Variants in PKD1L1 observed in about 807,000 individuals in gnomAD.
PKD1L1 encodes the protein polycystin-1-like protein 1.
Under a neutral mutation model 323.4 loss-of-function variants are expected in PKD1L1, and 236 were observed. The ratio of observed to expected loss-of-function variants is 0.73; its 90% CI spans 0.66 to 0.81. The LOEUF (loss-of-function observed/expected upper bound fraction) is 0.81, where lower values mean the gene tolerates loss of function less well. Among genes scored for constraint, PKD1L1 ranks in the 40% least tolerant of loss-of-function variants. The probability of loss-of-function intolerance (pLI) is 0.00; values close to 1 mark genes in which losing one functional copy is unlikely to be tolerated. For missense variants in PKD1L1, 3,320 were observed against 3,508.0 expected (o/e 0.95, Z 1.35); for synonymous variants, 1,344 against 1,335.0 (o/e 1.01, Z -0.15).
At chr7:47,849,766 A>G (rs2128740260) in intron 31 of PKD1L1, among the ~76,000 whole-genome samples, 1 of 152,324 alleles carries the variant, frequency 6.6e-6, no homozygotes, top group African/African-American at 2.4e-5. Flanking sequence ...AACAGAACCA[A>G]CCTAAATGCC....
intron 5 of PKD1L1, 69 bp downstream of exon 5, chr7:47,931,867 C>A: frequency 6.4e-7 from 1 of 1,552,276 alleles, no homozygotes; most frequent in Non-Finnish European, 8.7e-7. Context: ...GGGTGAGTCT[C>A]CCCCATATGC....
chr7:47,853,241 A>T lies in PKD1L1; in HGVS notation c.4860-14T>A. 1 of 1,523,568 alleles carries T rather than the reference A, an allele frequency of 6.6e-7. No individual in the cohort carries two copies. Among genetic ancestry groups the T allele is most frequent in the African/African-American group, 1.4e-5 (1 of 73,026 alleles). 94.4% of individuals were successfully genotyped at this position (1,523,568 alleles called of 1,614,324 possible). A position where few individuals can be genotyped will look rare whatever the true frequency, so the allele number is the denominator to read the frequency against. ...TTCTCAGAGAATCTAGGAGATAAAA[A>T]CAAAATAGGGATTTCTCATTTTTTT... On this transcript the variant is annotated splice_polypyrimidine_tract_variant and intron_variant, in intron 30 of 56. Coordinates refer to ENST00000289672, the MANE Select transcript of PKD1L1 (RefSeq NM_138295.5).
chr7:47,950,406 T>G (rs1484774455), upstream of PKD1L1, among the ~76,000 whole-genome samples: 1 of 152,130 alleles, frequency 6.6e-6, no homozygotes, highest in Non-Finnish European at 1.5e-5. Flanking sequence ...GTGACATAAT[T>G]GAGGGAAGAA....
At chr7:47,832,955 T>G in intron 41 of PKD1L1, 135 bp downstream of exon 41, 2 of 1,213,142 alleles carry the variant, frequency 1.6e-6, no homozygotes, top group Non-Finnish European at 1.1e-6. Flanking sequence ...GGTGGGCCCA[T>G]GCCTGGTTTT....
chr7:47,908,130 C>G lies in PKD1L1; in HGVS notation c.1349G>C (p.Ser450Thr), dbSNP rs767033408. ...EAVSAFMNSS[S>T]VHEDEVLVFA... ...GACAAGCACTTCATCTTCATGGACACTGCTGGAGTTCATGAACGCAGACAC... is the reference window on the plus strand; with the variant it reads ...GACAAGCACTTCATCTTCATGGACAGTGCTGGAGTTCATGAACGCAGACAC... The change falls in exon 9 of 57, where the codon AGT becomes ACT. Residue 450 changes from serine (S) to threonine (T), a missense_variant. Ser to Thr is a moderately conservative substitution (Grantham distance 58). Coordinates refer to ENST00000289672, the MANE Select transcript of PKD1L1 (RefSeq NM_138295.5). The G allele has an allele frequency of 6.2e-7, 1 of 1,614,212 alleles. No homozygotes were observed. Among genetic ancestry groups the G allele is most frequent in the Non-Finnish European group, 8.5e-7 (1 of 1,180,046 alleles).
At chr7:47,828,851 G>C (rs926484865) in intron 44 of PKD1L1, among the ~76,000 whole-genome samples, 1 of 152,188 alleles carries the variant, frequency 6.6e-6, no homozygotes, top group South Asian at 2.1e-4. Context: ...TTGGGTCCTT[G>C]GTCGTAAGTG....
chr7:47,935,445 G>A (rs938105067), intron 4 of PKD1L1, among the ~76,000 whole-genome samples: 1 of 152,180 alleles, frequency 6.6e-6, no homozygotes. Context: ...TAGCAAAATG[G>A]AGTCCGAAAA....
At chr7:47,938,342 C>A (rs1212436192) in intron 3 of PKD1L1, among the ~76,000 whole-genome samples, 2 of 152,156 alleles carry the variant, frequency 1.3e-5, no homozygotes, top group African/African-American at 4.8e-5. Flanking sequence ...CGCCTGGCAC[C>A]TGCCCCTCTT....
At chr7:47,846,832 C>T (rs888582182) in intron 32 of PKD1L1, 47 bp downstream of exon 32, 32 of 1,538,378 alleles carry the variant, frequency 2.1e-5, no homozygotes, top group African/African-American at 2.8e-5. Flanking sequence ...GAAGACAAGG[C>T]AGTCATTTAC....
rs1007969606 is a variant in PKD1L1, at chr7:47,865,272, C to A, written c.4093G>T (p.Glu1365Ter). 2.4e-5 allele frequency: 39 copies of A among 1,612,708 alleles called. No homozygotes were observed. The highest frequency in any genetic ancestry group is 3.2e-5 in the Non-Finnish European group (38 of 1,179,238). The change falls in exon 26 of 57, where the codon GAA becomes TAA. Residue 1365 changes from glutamate (E) to a stop codon, truncating the protein, a stop_gained and splice_region_variant. Coordinates refer to ENST00000289672, the MANE Select transcript of PKD1L1 (RefSeq NM_138295.5). LOFTEE classifies it high-confidence loss of function. ...SVCRLAFVDQEEMIGSVLMLR... is the reference protein window; with the variant it reads ...SVCRLAFVDQ ...ATAAGAACAGAACCAATCATTTCTT[C>A]CTGACCAGAAGAAACAACAATAAAA... is the stretch of plus-strand genomic sequence containing the variant.
At chr7:47,826,725 G>T (rs1023631970) in intron 45 of PKD1L1, among the ~76,000 whole-genome samples, 4 of 152,200 alleles carry the variant, frequency 2.6e-5, no homozygotes, top group African/African-American at 9.6e-5. Flanking sequence ...ATGATGGGAG[G>T]GGGATGGTAC....
chr7:47,901,327 C>CA (rs71699736), intron 13 of PKD1L1, among the ~76,000 whole-genome samples: 3,508 of 62,076 alleles, frequency 0.057, 130 homozygotes, highest in African/African-American at 0.1. Context: ...AACAGAGTCT[C>CA]AAAAAAAAAA....
At chr7:47,834,155 T>A (rs1273055315) in intron 40 of PKD1L1, among the ~76,000 whole-genome samples, 184 bp downstream of exon 40, 1 of 151,874 alleles carries the variant, frequency 6.6e-6, no homozygotes, top group Non-Finnish European at 1.5e-5. Context: ...AAACGGGACC[T>A]CCCTCTAGGG....
At chr7:47,845,778 G>T (rs762752508) in intron 32 of PKD1L1, among the ~76,000 whole-genome samples, 1 of 151,902 alleles carries the variant, frequency 6.6e-6, no homozygotes, top group South Asian at 2.1e-4. Flanking sequence ...ATGGGGTTTC[G>T]CTATGTTGGC....
chr7:47,816,591 C>T (rs1785024899), intron 46 of PKD1L1, among the ~76,000 whole-genome samples: 1 of 152,176 alleles, frequency 6.6e-6, no homozygotes, highest in Non-Finnish European at 1.5e-5. Context: ...TCAACATGCC[C>T]TCAGCAAACA....
At chr7:47,816,126 C>T (rs1785012950) in intron 46 of PKD1L1, among the ~76,000 whole-genome samples, 1 of 152,220 alleles carries the variant, frequency 6.6e-6, no homozygotes, top group South Asian at 2.1e-4. Context: ...GACCAAGACC[C>T]AGTCCTCTCT....
chr7:47,879,623 A>G (rs1786487474), intron 21 of PKD1L1, among the ~76,000 whole-genome samples: 1 of 92,264 alleles, frequency 1.1e-5, no homozygotes, highest in Non-Finnish European at 2.0e-5. Flanking sequence ...ACAGAGCAAG[A>G]CTTTGTCTCA....
rs552911529 is a variant in PKD1L1, at chr7:47,828,814, C to T, written c.6735+611G>A. ...GGTGGAGATGAGGAGAGGCCCAGAC[C>T]GGGGTCTGACTCTCAATGCACTGGG... On this transcript the variant is annotated intron_variant, in intron 44 of 56. Coordinates refer to ENST00000289672, the MANE Select transcript of PKD1L1 (RefSeq NM_138295.5). Among the ~76,000 whole-genome samples the T allele has an allele frequency of 4.6e-5, 7 of 152,244 alleles. No individual in the cohort carries two copies. The South Asian group carries it at 1.2e-3, about 27-fold the overall frequency.
At chr7:47,826,042 G>GCTCCAGAC (rs1294621732) in intron 45 of PKD1L1, among the ~76,000 whole-genome samples, 2 of 152,180 alleles carry the variant, frequency 1.3e-5, no homozygotes, top group East Asian at 1.9e-4. Flanking sequence ...TGGCCCAGCA[G>GCTCCAGAC]CTCCAGACCT....
Sources: gnomAD v4.1 joint callset for allele counts (sites outside exome capture counted in the v4.1 genomes callset) on GRCh38, gnomAD v4.1.1 for gene constraint, MANE v1.5 for transcripts, NCBI Gene and HGNC (gene_info 2026-07-23, HGNC 2026-07-21) for gene names.